Variants in TSPAN5 observed in about 807,000 individuals in gnomAD.
TSPAN5 encodes tetraspanin-5.
Under a neutral mutation model 37.1 loss-of-function variants are expected in TSPAN5, and 10 were observed. That is an observed-to-expected ratio of 0.27 (90% confidence interval 0.17 to 0.46). TSPAN5 has a LOEUF of 0.46. Ranked by LOEUF, TSPAN5 falls within the 20% of genes least tolerant of loss-of-function variation. The probability of loss-of-function intolerance (pLI) is 1.00; values close to 1 mark genes in which losing one functional copy is unlikely to be tolerated. For synonymous variants in TSPAN5, 110 were observed against 118.9 expected, an observed-to-expected ratio of 0.93 and a Z score of 0.48; for missense variants, 195 against 326.6, an observed-to-expected ratio of 0.60 and a Z score of 3.11.
intron 1 of TSPAN5, among the ~76,000 whole-genome samples, chr4:98,605,170 A>G (rs941992761): frequency 1.3e-5 from 2 of 152,152 alleles, no homozygotes; most frequent in Admixed American, 6.5e-5. Flanking sequence ...ACAAAGAACT[A>G]TTTTCAGAAA....
At chr4:98,553,169 T>C (rs1451857583) in intron 1 of TSPAN5, among the ~76,000 whole-genome samples, 1 of 152,222 alleles carries the variant, frequency 6.6e-6, no homozygotes, top group Non-Finnish European at 1.5e-5. Context: ...CAAAACATTG[T>C]TAGATAACAC....
intron 1 of TSPAN5, among the ~76,000 whole-genome samples, chr4:98,619,683 C>T (rs534204405): frequency 2.6e-5 from 4 of 152,250 alleles, no homozygotes; most frequent in African/African-American, 7.2e-5. Flanking sequence ...CACAGATTGA[C>T]GAGTGTCCAT....
At chr4:98,533,347 A>G (rs928935919) in intron 1 of TSPAN5, among the ~76,000 whole-genome samples, 16 of 151,988 alleles carry the variant, frequency 1.1e-4, no homozygotes, top group Non-Finnish European at 2.1e-4. Flanking sequence ...GCTATTAATT[A>G]CTGCCTCAAT....
intron 2 of TSPAN5, among the ~76,000 whole-genome samples, chr4:98,492,677 C>T (rs1578943870): frequency 6.6e-6 from 1 of 152,154 alleles, no homozygotes; most frequent in East Asian, 1.9e-4. Flanking sequence ...CCCCAGCTGG[C>T]TGATATTTCA....
intron 1 of TSPAN5, among the ~76,000 whole-genome samples, chr4:98,548,023 AAAAAG>A (rs1274927779): frequency 0.027 from 3,661 of 137,084 alleles, 122 homozygotes; most frequent in East Asian, 0.06. Context: ...AAAAAAAAAA[AAAAAG>A]AAAAAGAAAA....
rs556114635 is a variant in TSPAN5 at position 98,598,758 on chromosome 4, G to A, written c.81+59388C>T. 2.2e-4 allele frequency among the ~76,000 whole-genome samples: 34 copies of A among 152,250 alleles called. No homozygotes were observed. In the East Asian group the frequency reaches 4.3e-3, roughly 19 times the overall value. On this transcript the variant is annotated intron_variant, in intron 1 of 7. Transcript: ENST00000305798. ...ACTGGGATTACAGGCATGAGCCACC[G>A]TGCCTGGCCCCTCCTAAATTTTTTA...
chr4:98,578,775 C>G (rs1235475658), intron 1 of TSPAN5, among the ~76,000 whole-genome samples: 1 of 152,124 alleles, frequency 6.6e-6, no homozygotes, highest in East Asian at 1.9e-4. Flanking sequence ...GCACTATTCT[C>G]TTAGGTAGAC....
At chr4:98,482,918 C>T (rs1752879333) in intron 3 of TSPAN5, 1 of 152,068 alleles carries the variant, frequency 6.6e-6, no homozygotes, top group Non-Finnish European at 1.5e-5. Flanking sequence ...TTAATGTAGA[C>T]AACAGGGGTT....
chr4:98,602,780 T>C (rs1485163984), intron 1 of TSPAN5, among the ~76,000 whole-genome samples: 1 of 152,240 alleles, frequency 6.6e-6, no homozygotes, highest in Non-Finnish European at 1.5e-5. Context: ...CCCCTTTAAA[T>C]GAAGATGCTC....
intron 2 of TSPAN5, among the ~76,000 whole-genome samples, chr4:98,497,329 A>G (rs1473567163): frequency 1.3e-5 from 2 of 151,686 alleles, no homozygotes; most frequent in East Asian, 1.9e-4. Flanking sequence ...AAAAAAAAAA[A>G]AAAAAAGAAA....
rs144875189 is a variant in TSPAN5 at position 98,547,999 on chromosome 4, G to A, written c.82-40271C>T. Among the ~76,000 whole-genome samples, 291 of 127,768 alleles carry A rather than the reference G, an allele frequency of 2.3e-3. 3 individuals are homozygous for A. Among genetic ancestry groups the A allele is most frequent in the African/African-American group, 8.4e-3 (275 of 32,568 alleles). 83.8% of individuals were successfully genotyped at this position (127,768 alleles called of 152,430 possible). The stretch of plus-strand genomic sequence containing the variant: ...TACACTCCAGCCTGGGCGACAGAGC[G>A]AGACTCTGTCTCAAAAAAAAAAAAA... On this transcript the variant is annotated intron_variant, in intron 1 of 7. Transcript: ENST00000305798.
At chr4:98,576,346 T>C (rs1755235874) in intron 1 of TSPAN5, among the ~76,000 whole-genome samples, 1 of 152,196 alleles carries the variant, frequency 6.6e-6, no homozygotes, top group South Asian at 2.1e-4. Flanking sequence ...ATATTGCCTT[T>C]TTCAAAAAGG....
At chr4:98,503,985 T>C (rs1436037453) in intron 2 of TSPAN5, among the ~76,000 whole-genome samples, 1 of 152,240 alleles carries the variant, frequency 6.6e-6, no homozygotes, top group Non-Finnish European at 1.5e-5. Flanking sequence ...ATTTTTACAG[T>C]TGATTTAAAA....
At chr4:98,606,936 C>T (rs1365091096) in intron 1 of TSPAN5, among the ~76,000 whole-genome samples, 1 of 151,956 alleles carries the variant, frequency 6.6e-6, no homozygotes, top group African/African-American at 2.4e-5. Flanking sequence ...CCTAAAGAGG[C>T]GAGGTGCAGA....
At chr4:98,527,776 T>C (rs1458944676) in intron 1 of TSPAN5, among the ~76,000 whole-genome samples, 1 of 152,102 alleles carries the variant, frequency 6.6e-6, no homozygotes, top group Non-Finnish European at 1.5e-5. Flanking sequence ...GCATGGCTGT[T>C]AAAAGCCCGG....
At chr4:98,569,305 C>T (rs1755069843) in intron 1 of TSPAN5, among the ~76,000 whole-genome samples, 1 of 152,138 alleles carries the variant, frequency 6.6e-6, no homozygotes, top group African/African-American at 2.4e-5. Flanking sequence ...TTTATATATC[C>T]ACTTCCTGAA....
At chr4:98,579,810 A>G (rs1755328835) in intron 1 of TSPAN5, among the ~76,000 whole-genome samples, 1 of 152,210 alleles carries the variant, frequency 6.6e-6, no homozygotes, top group Admixed American at 6.5e-5. Context: ...ATCTTCATAA[A>G]CAATGTGAAA....
At chr4:98,583,918 A>AT (rs982161005) in intron 1 of TSPAN5, among the ~76,000 whole-genome samples, 92 of 152,018 alleles carry the variant, frequency 6.1e-4, no homozygotes, top group African/African-American at 2.1e-3. Flanking sequence ...GGGTTTTGTG[A>AT]TTTTTCACAC....
chr4:98,484,756 GT>G, intron 3 of TSPAN5: 1 of 345,720 alleles, frequency 2.9e-6, no homozygotes, highest in Non-Finnish European at 5.6e-6. Flanking sequence ...GAGGTCCGGA[GT>G]TCAAGACCAG....
Sources: gnomAD v4.1 joint callset for allele counts (sites outside exome capture counted in the v4.1 genomes callset) on GRCh38, gnomAD v4.1.1 for gene constraint, MANE v1.5 for transcripts, NCBI Gene and HGNC (gene_info 2026-07-23, HGNC 2026-07-21) for gene names.